Variants in BCHE observed in about 807,000 individuals in gnomAD.
BCHE encodes cholinesterase.
Under a neutral mutation model 51.3 loss-of-function variants are expected in BCHE, and 48 were observed. The observed-to-expected ratio is 0.94, with a 90% CI of 0.74 to 1.19. BCHE has a LOEUF of 1.19. Among genes scored for constraint, BCHE ranks in the 50% most tolerant of loss-of-function variants. The pLI is 0.00. For synonymous variants in BCHE, 251 were observed against 238.0 expected (o/e 1.05, Z -0.50); for missense variants, 847 against 708.2 (o/e 1.20, Z -2.23).
At chr3:165,810,832 G>A (rs549252254) in intron 2 of BCHE, among the ~76,000 whole-genome samples, 23 of 152,124 alleles carry the variant, frequency 1.5e-4, no homozygotes, top group Admixed American at 7.2e-4. Context: ...GAACTGGTGT[G>A]GTGCTTTCAT....
At chr3:165,791,798 C>G (rs537623628) in intron 2 of BCHE, among the ~76,000 whole-genome samples, 1 of 151,770 alleles carries the variant, frequency 6.6e-6, no homozygotes, top group East Asian at 2.0e-4. Context: ...ACTGAAAATA[C>G]AAAAATTACC....
intron 3 of BCHE, among the ~76,000 whole-genome samples, chr3:165,775,272 A>G (rs897570930): frequency 6.6e-6 from 1 of 151,922 alleles, no homozygotes; most frequent in Non-Finnish European, 1.5e-5. Flanking sequence ...AATGTTCACA[A>G]TGCTTGGACA....
Position 165,773,173 on chromosome 3 carries a change from T to C in BCHE, c.*209A>G. 6.3e-6 allele frequency: 3 copies of C among 477,488 alleles called. No individual in the cohort carries two copies. Among genetic ancestry groups the C allele is most frequent in the South Asian group, 5.9e-5 (2 of 33,656 alleles). 29.6% of individuals were successfully genotyped at this position (477,488 alleles called of 1,614,324 possible). A position where few individuals can be genotyped will look rare whatever the true frequency, so the allele number is the denominator to read the frequency against. ...ACATAATTAACTGTAGAACTTTATATTGTGAAATTTAATTAAACACGTTCT... is the reference window on the plus strand; with the variant it reads ...ACATAATTAACTGTAGAACTTTATACTGTGAAATTTAATTAAACACGTTCT... On this transcript the variant is annotated 3_prime_UTR_variant, in exon 4 of 4. Coordinates refer to ENST00000264381, the MANE Select transcript of BCHE (RefSeq NM_000055.4).
intron 2 of BCHE, among the ~76,000 whole-genome samples, chr3:165,815,008 T>C (rs895340195): frequency 5.4e-5 from 8 of 148,830 alleles, no homozygotes; most frequent in African/African-American, 2.0e-4. Flanking sequence ...ATATTAGTAT[T>C]AGTATTATAT....
chr3:165,782,055 T>A (rs1322717170), intron 3 of BCHE, among the ~76,000 whole-genome samples: 9 of 152,102 alleles, frequency 5.9e-5, no homozygotes, highest in Admixed American at 5.9e-4. Flanking sequence ...TCAAAGCATA[T>A]TAATAGGACA....
chr3:165,785,783 T>C (rs1576838580), intron 3 of BCHE, among the ~76,000 whole-genome samples: 1 of 151,750 alleles, frequency 6.6e-6, no homozygotes, highest in Non-Finnish European at 1.5e-5. Context: ...TTTAGTTCCA[T>C]ACATTATGAT....
At chr3:165,809,707 C>T (rs559747383) in intron 2 of BCHE, among the ~76,000 whole-genome samples, 4 of 152,168 alleles carry the variant, frequency 2.6e-5, no homozygotes, top group South Asian at 2.1e-4. Flanking sequence ...ATTTTCATAA[C>T]ACAAGGGTAG....
Position 165,792,868 on chromosome 3 carries a change from A to G in BCHE, c.1518-6557T>C, listed in dbSNP as rs558321243. ...ATATCTTCCTCCAAAAACTGCTATCATTGCTGTCTGGGCAACTTAAAGTTG... is the reference window on the plus strand; with the variant it reads ...ATATCTTCCTCCAAAAACTGCTATCGTTGCTGTCTGGGCAACTTAAAGTTG... On this transcript the variant is annotated intron_variant, in intron 2 of 3. Transcript: ENST00000264381. Among the ~76,000 whole-genome samples the G allele has an allele frequency of 2.6e-5, 4 of 152,294 alleles. No homozygotes were observed. In the East Asian group the frequency reaches 5.8e-4, roughly 22 times the overall value.
chr3:165,834,192 G>A (rs1195088384), intron 1 of BCHE, among the ~76,000 whole-genome samples: 1 of 138,046 alleles, frequency 7.2e-6, no homozygotes, highest in Non-Finnish European at 1.6e-5. Context: ...ACATCTAAAT[G>A]GTTGTAATAT....
chr3:165,832,555 G>C (rs918590905), intron 1 of BCHE, among the ~76,000 whole-genome samples: 4 of 152,128 alleles, frequency 2.6e-5, no homozygotes, highest in Non-Finnish European at 5.9e-5. Flanking sequence ...GCCTCCCAAA[G>C]AGCTGGGATT....
chr3:165,792,267 T>A (rs1713197769), intron 2 of BCHE, among the ~76,000 whole-genome samples: 1 of 152,118 alleles, frequency 6.6e-6, no homozygotes, highest in South Asian at 2.1e-4. Context: ...AAACTTCAAA[T>A]TCATTTAAAG....
At chr3:165,836,469 A>G (rs937164754) in intron 1 of BCHE, among the ~76,000 whole-genome samples, 1 of 151,936 alleles carries the variant, frequency 6.6e-6, no homozygotes, top group Non-Finnish European at 1.5e-5. Context: ...AAATAAAAAT[A>G]TATAATAAAT....
chr3:165,836,543 C>A (rs1239564442), intron 1 of BCHE, among the ~76,000 whole-genome samples: 1 of 151,674 alleles, frequency 6.6e-6, no homozygotes, highest in Admixed American at 6.6e-5. Context: ...TTTTATAATC[C>A]TTAATATTTA....
At chr3:165,817,507 T>C (rs1191617624) in intron 2 of BCHE, among the ~76,000 whole-genome samples, 1 of 152,078 alleles carries the variant, frequency 6.6e-6, no homozygotes, top group Non-Finnish European at 1.5e-5. Flanking sequence ...TCACTTCCCC[T>C]TCACATACCT....
At chr3:165,787,670 G>A (rs919122848) in intron 2 of BCHE, among the ~76,000 whole-genome samples, 2 of 151,906 alleles carry the variant, frequency 1.3e-5, no homozygotes, top group East Asian at 1.9e-4. Flanking sequence ...AAATAATGAC[G>A]AAAAAACTAG....
chr3:165,834,288 A>G (rs1301398372), intron 1 of BCHE, among the ~76,000 whole-genome samples: 1 of 152,020 alleles, frequency 6.6e-6, no homozygotes, highest in Non-Finnish European at 1.5e-5. Flanking sequence ...TTGTTATATA[A>G]TAATATGGTA....
rs56903438 is a variant in BCHE at position 165,775,379 on chromosome 3, A to G, written c.1685-1873T>C. On this transcript the variant is annotated intron_variant, in intron 3 of 3. Transcript: ENST00000264381. Reference sequence around the variant, plus strand: ...CACTATAATCACAATTTTTTGGTGAATAATAGAACTTCTATAAAGGGTCAA... The same window carrying G: ...CACTATAATCACAATTTTTTGGTGAGTAATAGAACTTCTATAAAGGGTCAA... Among the ~76,000 whole-genome samples, 1,056 of 152,008 alleles carry G rather than the reference A, an allele frequency of 6.9e-3. 9 individuals are homozygous for G. Among genetic ancestry groups the G allele is most frequent in the African/African-American group, 0.024 (981 of 41,556 alleles).
chr3:165,790,443 T>TCC lies in BCHE; in HGVS notation c.1518-4133_1518-4132insGG, dbSNP rs1713124096. ...CTATGTGTCTCATTCCTCAGCTGGT[T>TCC]CTAATTTGTAACTTTTTGCTATAAG... On this transcript the variant is annotated intron_variant, in intron 2 of 3. Transcript: ENST00000264381. 2.6e-5 allele frequency among the ~76,000 whole-genome samples: 4 copies of TCC among 152,286 alleles called. No homozygotes were observed. The South Asian group carries it at 8.3e-4, about 32-fold the overall frequency.
chr3:165,785,788 T>G (rs1712923750), intron 3 of BCHE, among the ~76,000 whole-genome samples: 2 of 151,734 alleles, frequency 1.3e-5, no homozygotes, highest in Non-Finnish European at 3.0e-5. Context: ...TTCCATACAT[T>G]ATGATTATTT....
Sources: gnomAD v4.1 joint callset for allele counts (sites outside exome capture counted in the v4.1 genomes callset) on GRCh38, gnomAD v4.1.1 for gene constraint, MANE v1.5 for transcripts, NCBI Gene and HGNC (gene_info 2026-07-23, HGNC 2026-07-21) for gene names.